Variants in NDUFA9 observed in about 807,000 individuals in gnomAD.
NDUFA9 encodes NADH dehydrogenase [ubiquinone] 1 alpha subcomplex subunit 9, mitochondrial.
In NDUFA9, 23 loss-of-function variants were observed where a neutral mutation model predicts 45.9. The observed-to-expected ratio is 0.50, with a 90% confidence interval of 0.36 to 0.71. The LOEUF (loss-of-function observed/expected upper bound fraction) is 0.71. Among genes scored for constraint, NDUFA9 ranks in the 30% least tolerant of loss-of-function variants. The pLI is 0.00. For synonymous variants in NDUFA9, 176 were observed against 170.5 expected, an observed-to-expected ratio of 1.03 and a Z score of -0.25; for missense variants, 466 against 488.2, an observed-to-expected ratio of 0.95 and a Z score of 0.43.
In NDUFA9 at chr12:4,657,784, G is replaced by A; in HGVS notation, c.355G>A (p.Val119Ile). Residue 119 changes from valine (V) to isoleucine (I), a missense_variant, in exon 4 of 11, where the codon GTA becomes ATA. By Grantham distance (29) the Val-to-Ile change is conservative. Coordinates refer to ENST00000266544, the MANE Select transcript of NDUFA9 (RefSeq NM_005002.5). ...GAGAGATAAAGATTCTATCCGACGA[G>A]TAGTACAACACAGCAATGTGGTCAT... The part of the protein sequence containing the change: ...DARDKDSIRR[V>I]VQHSNVVINL... The A allele has an allele frequency of 6.2e-7, 1 of 1,613,776 alleles. No individual in the cohort carries two copies. Among genetic ancestry groups the A allele is most frequent in the South Asian group, 1.1e-5 (1 of 91,080 alleles).
At chr12:4,661,316 G>T (rs1028991758) in intron 5 of NDUFA9, among the ~76,000 whole-genome samples, 2 of 152,268 alleles carry the variant, frequency 1.3e-5, no homozygotes, top group Admixed American at 6.5e-5. Flanking sequence ...GAAAAGAAAG[G>T]GATGTCTGAA....
chr12:4,675,733 A>C (rs918268389), intron 8 of NDUFA9, among the ~76,000 whole-genome samples: 8 of 152,258 alleles, frequency 5.3e-5, no homozygotes, highest in Non-Finnish European at 1.0e-4. Context: ...CCAGAGGTAC[A>C]AAGAGGAGCT....
chr12:4,679,782 A>G (rs1356134241), intron 8 of NDUFA9, among the ~76,000 whole-genome samples: 2 of 152,180 alleles, frequency 1.3e-5, no homozygotes, highest in African/African-American at 2.4e-5. Context: ...ATGAAACATG[A>G]ATGTCTTGTC....
chr12:4,685,470 C>G, intron 10 of NDUFA9, 145 bp downstream of exon 10: 1 of 692,486 alleles, frequency 1.4e-6, no homozygotes, highest in South Asian at 1.9e-5. Flanking sequence ...CGCTGAAGCT[C>G]ATCCACCTGC....
chr12:4,686,849 G>A, intron 10 of NDUFA9, 89 bp from the exon 11 acceptor site: 1 of 1,275,720 alleles, frequency 7.8e-7, no homozygotes. Flanking sequence ...TAGGACTCAT[G>A]CCAGCTTGAA....
chr12:4,662,089 A>T (rs1945826417), intron 5 of NDUFA9, among the ~76,000 whole-genome samples: 1 of 152,194 alleles, frequency 6.6e-6, no homozygotes, highest in Non-Finnish European at 1.5e-5. Context: ...AGCAATTGAG[A>T]TTAGGAGGAT....
chr12:4,668,686 C>CT (rs1429728712), intron 7 of NDUFA9, 162 bp downstream of exon 7: 11 of 645,504 alleles, frequency 1.7e-5, no homozygotes, highest in Non-Finnish European at 3.0e-5. Context: ...CATGCCTTCT[C>CT]TGTGTCTTCA....
chr12:4,672,116 G>A (rs1945890689), intron 8 of NDUFA9, among the ~76,000 whole-genome samples: 1 of 152,132 alleles, frequency 6.6e-6, no homozygotes, highest in African/African-American at 2.4e-5. Flanking sequence ...GTGGGGTGTC[G>A]CTTCACCCGG....
chr12:4,660,380 C>CA (rs1363967473), intron 5 of NDUFA9, among the ~76,000 whole-genome samples: 1 of 152,146 alleles, frequency 6.6e-6, no homozygotes, highest in Non-Finnish European at 1.5e-5. Context: ...GTTTTGGACT[C>CA]ACGTTTCAGG....
At chr12:4,651,148 A>G (rs940040540) in intron 1 of NDUFA9, among the ~76,000 whole-genome samples, 4 of 152,204 alleles carry the variant, frequency 2.6e-5, no homozygotes, top group Non-Finnish European at 5.9e-5. Flanking sequence ...AATTTTTTAA[A>G]TAAATACTTA....
intron 6 of NDUFA9, among the ~76,000 whole-genome samples, chr12:4,664,978 T>G (rs905523668): frequency 6.6e-6 from 1 of 152,210 alleles, no homozygotes; most frequent in African/African-American, 2.4e-5. Context: ...TGGAAGCACA[T>G]AACTTGTCTG....
chr12:4,683,317 C>T (rs1023560776), intron 9 of NDUFA9, among the ~76,000 whole-genome samples: 5 of 152,122 alleles, frequency 3.3e-5, no homozygotes, highest in Non-Finnish European at 7.4e-5. Context: ...CCATGTCACA[C>T]CCTAGTGGTC....
chr12:4,652,896 A>G (rs987605901), intron 1 of NDUFA9, among the ~76,000 whole-genome samples: 20 of 152,262 alleles, frequency 1.3e-4, no homozygotes, highest in Non-Finnish European at 1.0e-4. Context: ...CTCCAATTCA[A>G]TACTTTTGGA....
At chr12:4,686,424 G>GTT (rs111320780) in intron 10 of NDUFA9, among the ~76,000 whole-genome samples, 56 of 135,534 alleles carry the variant, frequency 4.1e-4, no homozygotes, top group Middle Eastern at 3.9e-3. Flanking sequence ...AAAGTTACTT[G>GTT]TTTTTTTTTT....
intron 7 of NDUFA9, 84 bp from the exon 8 acceptor site, chr12:4,669,657 T>C (rs1945874632): frequency 5.6e-6 from 5 of 886,940 alleles, no homozygotes; most frequent in African/African-American, 1.7e-5. Flanking sequence ...CCTTTTTCTC[T>C]TCTTTCCTTT....
chr12:4,650,229 G>A (rs1945749424), intron 1 of NDUFA9, among the ~76,000 whole-genome samples: 1 of 151,944 alleles, frequency 6.6e-6, no homozygotes, highest in Non-Finnish European at 1.5e-5. Context: ...AATTAGGAGT[G>A]TTTAGAGGAT....
In NDUFA9 at chr12:4,692,625, A is replaced by G. The variant is rs75404553; in HGVS notation, c.*5517A>G. 16,595 of 152,208 alleles carry G rather than the reference A, an allele frequency of 0.11. 939 individuals carry two copies. Among genetic ancestry groups the G allele is most frequent in the Middle Eastern group, 0.13 (37 of 294 alleles). The allele number at this position is 152,208 out of a possible 1,614,324, so 9.4% of individuals were successfully genotyped here. A position where few individuals can be genotyped will look rare whatever the true frequency, so the allele number is the denominator to read the frequency against. On this transcript the variant is annotated 3_prime_UTR_variant, in exon 11 of 11. Coordinates refer to ENST00000266544, the MANE Select transcript of NDUFA9 (RefSeq NM_005002.5). ...CATGAAGGCCATCTTGATGGGGGAA[A>G]TCTTTTAGTACCCTAATGCGAGCAG...
At chr12:4,660,044 G>A (rs1254584993) in intron 5 of NDUFA9, among the ~76,000 whole-genome samples, 1 of 152,128 alleles carries the variant, frequency 6.6e-6, no homozygotes, top group African/African-American at 2.4e-5. Flanking sequence ...GGGAATGGGA[G>A]GTGTCAATGG....
At chr12:4,654,205 A>C (rs575343474) in intron 1 of NDUFA9, 87 bp from the exon 2 acceptor site, 1 of 1,311,108 alleles carries the variant, frequency 7.6e-7, no homozygotes, top group African/African-American at 1.5e-5. Flanking sequence ...TAATGTTACA[A>C]GTTTTTAGAG....
Sources: gnomAD v4.1 joint callset for allele counts (sites outside exome capture counted in the v4.1 genomes callset) on GRCh38, gnomAD v4.1.1 for gene constraint, MANE v1.5 for transcripts, NCBI Gene and HGNC (gene_info 2026-07-23, HGNC 2026-07-21) for gene names.